The following ZNF229 variants were observed in gnomAD, a reference collection of about 807,000 sequenced individuals.
The protein encoded by ZNF229 is zinc finger protein 229.
In ZNF229, 10 loss-of-function variants were observed where a neutral mutation model predicts 11.8. The ratio of observed to expected loss-of-function variants is 0.85; its 90% confidence interval spans 0.52 to 1.44. The LOEUF (loss-of-function observed/expected upper bound fraction) is 1.44, where lower values mean the gene tolerates loss of function less well. Ranked by LOEUF, ZNF229 falls within the 40% of genes most tolerant of loss-of-function variation. The pLI, the probability that ZNF229 is intolerant of heterozygous loss-of-function variation, is 0.00. For synonymous variants in ZNF229, 368 were observed against 374.8 expected, an observed-to-expected ratio of 0.98 and a Z score of 0.21; for missense variants, 1,045 against 1,015.1, an observed-to-expected ratio of 1.03 and a Z score of -0.40.
chr19:44,440,586 G>A (rs1971891008), intron 4 of ZNF229, among the ~76,000 whole-genome samples: 2 of 152,158 alleles, frequency 1.3e-5, no homozygotes, highest in African/African-American at 4.8e-5. Context: ...TCACCAGAAG[G>A]TGAATGGAGA....
At position 44,440,992 on chromosome 19, in the gene ZNF229, T is replaced by G. The variant is rs1048907935; in HGVS notation, c.93+1571A>C. ...CGCATGCCTCAGCTTCCCAAAGTGC[T>G]AAGATTACGAGCCACTGCACCTGGC... On this transcript the variant is annotated intron_variant, in intron 4 of 5. Transcript: ENST00000614049. 3.3e-5 allele frequency among the ~76,000 whole-genome samples: 5 copies of G among 152,212 alleles called. No individual in the cohort carries two copies. In the East Asian group the frequency reaches 9.7e-4, roughly 29 times the overall value.
chr19:44,429,468 C>T lies in ZNF229; in HGVS notation c.1313G>A (p.Cys438Tyr). 2 of 1,613,992 alleles carry T rather than the reference C, an allele frequency of 1.2e-6. No individual in the cohort carries two copies. The highest frequency in any genetic ancestry group is 1.7e-6 in the Non-Finnish European group (2 of 1,180,012). Residue 438 changes from cysteine (C) to tyrosine (Y), a missense_variant, in exon 6 of 6, where the codon TGT (cysteine) becomes TAT (tyrosine). Transcript: ENST00000614049. ...TGEKPYTCSE[C>Y]GKGFCAKSAL... ...AGACTTGGCACAGAAGCCTTTGCCA[C>T]ACTCGCTGCAGGTGTAGGGCTTCTC...
chr19:44,435,511 C>A (rs1435143228), intron 4 of ZNF229, among the ~76,000 whole-genome samples: 1 of 152,146 alleles, frequency 6.6e-6, no homozygotes, highest in African/African-American at 2.4e-5. Flanking sequence ...TGCAACAAGG[C>A]CTGTGAAATG....
chr19:44,430,987 G>T (rs1353503629), intron 5 of ZNF229, among the ~76,000 whole-genome samples: 1 of 152,128 alleles, frequency 6.6e-6, no homozygotes, highest in Admixed American at 6.5e-5. Flanking sequence ...CAGAGAGAGG[G>T]TAGGTAACCT....
intron 5 of ZNF229, among the ~76,000 whole-genome samples, chr19:44,431,204 A>G (rs905278222): frequency 1.3e-5 from 2 of 152,140 alleles, no homozygotes; most frequent in African/African-American, 4.8e-5. Flanking sequence ...TCCAGAAAAT[A>G]CTGTTAAGGC....
chr19:44,427,506 A>AAC lies in ZNF229; in HGVS notation c.*796_*797insGT, dbSNP rs1971599451. The stretch of plus-strand genomic sequence containing the variant: ...TGAAATACTATCAGTGGTAAAAAAA[A>AAC]AGTCATTTTTTTAAAGTGAAAAAAA... On this transcript the variant is annotated 3_prime_UTR_variant, in exon 6 of 6. Transcript: ENST00000614049. 6.6e-6 allele frequency: 1 copy of AAC among 151,762 alleles called. No individual in the cohort carries two copies. The highest frequency in any genetic ancestry group is 1.9e-4 in the East Asian group (1 of 5,150). 9.4% of individuals were successfully genotyped at this position (151,762 alleles called of 1,614,324 possible). A position where few individuals can be genotyped will look rare whatever the true frequency, so the allele number is the denominator to read the frequency against.
chr19:44,430,467 G>A lies in ZNF229; in HGVS notation c.314C>T (p.Ser105Leu), dbSNP rs769889297. ...LRFFSHKELS[S>L]CKIWEEVAGE... The stretch of plus-strand genomic sequence containing the variant: ...TGCCACCTCTTCCCAGATTTTGCAT[G>A]AGGAGAGCTCTTTGTGTGAAAAGAA... Residue 105 changes from serine to leucine, a missense_variant, in exon 6 of 6, where the codon TCA becomes TTA. Transcript: ENST00000614049. 63 of 1,614,012 alleles carry A rather than the reference G, an allele frequency of 3.9e-5. 2 individuals carry two copies. In the South Asian group the frequency reaches 6.7e-4, roughly 17 times the overall value.
chr19:44,436,155 T>C (rs555696835), intron 4 of ZNF229, among the ~76,000 whole-genome samples: 1 of 152,294 alleles, frequency 6.6e-6, no homozygotes, highest in Non-Finnish European at 1.5e-5. Flanking sequence ...GGAGGATTAC[T>C]TCAGCCTAGG....
At position 44,443,035 on chromosome 19, in the gene ZNF229, G is replaced by T; in HGVS notation, c.-177-11C>A. 1.5e-6 allele frequency: 1 copy of T among 648,738 alleles called. No homozygotes were observed. The highest frequency in any genetic ancestry group is 2.7e-6 in the Non-Finnish European group (1 of 377,036). 40.2% of individuals were successfully genotyped at this position (648,738 alleles called of 1,614,324 possible). ...CCATGGTCAGGGGACCTGTAGGTTC[G>T]GGAGGGAACTTTACTTAGTCCTTTC... On this transcript the variant is annotated splice_polypyrimidine_tract_variant and intron_variant, in intron 2 of 5. Transcript: ENST00000614049.
chr19:44,433,428 C>T (rs778191000), intron 4 of ZNF229, among the ~76,000 whole-genome samples: 1 of 152,030 alleles, frequency 6.6e-6, no homozygotes, highest in African/African-American at 2.4e-5. Context: ...ATCCCCAGTA[C>T]TAGGAAGTGG....
chr19:44,437,944 C>A lies in ZNF229; in HGVS notation c.93+4619G>T, dbSNP rs10417458. On this transcript the variant is annotated intron_variant, in intron 4 of 5. Transcript: ENST00000614049. ...AGAACGCTTAGACACACAGAGGGAA[C>A]AACAGACACAGAGGCCTACTTGAGA... Among the ~76,000 whole-genome samples the A allele has an allele frequency of 9.5e-3, 1,446 of 152,178 alleles. 19 individuals are homozygous for A. Among genetic ancestry groups the A allele is most frequent in the African/African-American group, 0.033 (1,360 of 41,504 alleles).
chr19:44,436,491 G>C (rs906003336), intron 4 of ZNF229, among the ~76,000 whole-genome samples: 1 of 152,080 alleles, frequency 6.6e-6, no homozygotes, highest in Admixed American at 6.5e-5. Context: ...TTCAAAAGTA[G>C]GTGTTTAAGC....
At chr19:44,447,894 G>A (rs1972029822) in intron 1 of ZNF229, among the ~76,000 whole-genome samples, 1 of 152,202 alleles carries the variant, frequency 6.6e-6, no homozygotes, top group Non-Finnish European at 1.5e-5. Flanking sequence ...AGAGCTGACT[G>A]TCACATGCTG....
At chr19:44,444,631 T>C (rs917651314) in intron 2 of ZNF229, among the ~76,000 whole-genome samples, 3 of 152,208 alleles carry the variant, frequency 2.0e-5, no homozygotes, top group Non-Finnish European at 2.9e-5. Flanking sequence ...AAAATCACCA[T>C]GAGCAATGAT....
At position 44,428,234 on chromosome 19, in the gene ZNF229, T is replaced by C; in HGVS notation, c.*69A>G. ...CCTCCTACATGTCACTTTCCTATGG[T>C]TTTTCTCCTGTGTTGGCTCTCAGAT... On this transcript the variant is annotated 3_prime_UTR_variant, in exon 6 of 6. Transcript: ENST00000614049. 1 of 1,502,874 alleles carries C rather than the reference T, an allele frequency of 6.7e-7. No individual in the cohort carries two copies. Among genetic ancestry groups the C allele is most frequent in the African/African-American group, 1.4e-5 (1 of 71,402 alleles). The allele number at this position is 1,502,874 out of a possible 1,614,324, so 93.1% of individuals were successfully genotyped here. A position where few individuals can be genotyped will look rare whatever the true frequency, so the allele number is the denominator to read the frequency against.
At chr19:44,447,235 T>C (rs921716085) in intron 2 of ZNF229, among the ~76,000 whole-genome samples, 2 of 152,136 alleles carry the variant, frequency 1.3e-5, no homozygotes, top group Admixed American at 6.6e-5. Flanking sequence ...TCAGTTAATA[T>C]ACACCATCAC....
At chr19:44,438,682 A>G (rs1225036356) in intron 4 of ZNF229, among the ~76,000 whole-genome samples, 3 of 151,874 alleles carry the variant, frequency 2.0e-5, no homozygotes, top group South Asian at 2.1e-4. Context: ...CCCTCCCCCA[A>G]CCTCCAGTGA....
chr19:44,428,236 T>C lies in ZNF229; in HGVS notation c.*67A>G. 6.6e-7 allele frequency: 1 copy of C among 1,505,332 alleles called. No individual in the cohort carries two copies. The highest frequency in any genetic ancestry group is 1.3e-5 in the South Asian group (1 of 74,306). 93.2% of individuals were successfully genotyped at this position (1,505,332 alleles called of 1,614,324 possible). ...TCCTACATGTCACTTTCCTATGGTT[T>C]TTCTCCTGTGTTGGCTCTCAGATGG... On this transcript the variant is annotated 3_prime_UTR_variant, in exon 6 of 6. Coordinates refer to ENST00000614049, the MANE Select transcript of ZNF229 (RefSeq NM_014518.4).
At position 44,428,453 on chromosome 19, in the gene ZNF229, G is replaced by C. The variant is rs1441707105; in HGVS notation, c.2328C>G (p.Gly776=). Reference sequence around the variant, plus strand: ...CATGAAGACAGGAGTTGCGGCCAAAGCCCTTCCCACACTCCTCACATTTAT... The same window carrying C: ...CATGAAGACAGGAGTTGCGGCCAAACCCCTTCCCACACTCCTCACATTTAT... ...KPYKCEECGK[G]FGRNSCLHVH... Residue 776 remains glycine (G), a synonymous_variant, in exon 6 of 6, where the codon GGC becomes GGG. Coordinates refer to ENST00000614049, the MANE Select transcript of ZNF229 (RefSeq NM_014518.4). The C allele has an allele frequency of 6.2e-7, 1 of 1,613,942 alleles. No individual in the cohort carries two copies. The highest frequency in any genetic ancestry group is 1.7e-5 in the Admixed American group (1 of 60,020).
Sources: gnomAD v4.1 joint callset for allele counts (sites outside exome capture counted in the v4.1 genomes callset) on GRCh38, gnomAD v4.1.1 for gene constraint, MANE v1.5 for transcripts, NCBI Gene and HGNC (gene_info 2026-07-23, HGNC 2026-07-21) for gene names.